MYOM2: variants seen among roughly 807,000 people sequenced by gnomAD.
MYOM2 encodes myomesin-2.
In MYOM2, 254 loss-of-function variants were observed where a neutral mutation model predicts 187.6. The observed-to-expected ratio is 1.35, with a 90% CI of 1.22 to 1.50. MYOM2 has a LOEUF of 1.50. Among genes scored for constraint, MYOM2 ranks in the 40% most tolerant of loss-of-function variants. The pLI is 0.00. For synonymous variants in MYOM2, 981 were observed against 753.8 expected, an observed-to-expected ratio of 1.30 and a Z score of -4.94; for missense variants, 2,796 against 1,924.0, an observed-to-expected ratio of 1.45 and a Z score of -8.48.
intron 32 of MYOM2, among the ~76,000 whole-genome samples, chr8:2,134,083 C>A (rs542212812): frequency 2.0e-5 from 3 of 150,516 alleles, no homozygotes; most frequent in Non-Finnish European, 2.9e-5. Context: ...CAAAACCAGG[C>A]GCTGAATGAT....
intron 21 of MYOM2, 106 bp from the exon 22 acceptor site, chr8:2,106,136 G>T: frequency 8.8e-7 from 1 of 1,136,412 alleles, no homozygotes; most frequent in African/African-American, 1.5e-5. Context: ...AATTTGAGAT[G>T]AGATTTGGGT....
intron 31 of MYOM2, among the ~76,000 whole-genome samples, chr8:2,128,263 C>T (rs908907447): frequency 6.6e-6 from 1 of 152,146 alleles, no homozygotes; most frequent in East Asian, 1.9e-4. Context: ...TATGTAAAAA[C>T]TAAAAGTAAT....
intron 21 of MYOM2, 83 bp downstream of exon 21, chr8:2,102,864 T>C (rs935013479): frequency 2.0e-5 from 22 of 1,103,296 alleles, no homozygotes; most frequent in Non-Finnish European, 2.8e-5. Flanking sequence ...GATGAGGGTG[T>C]GTGGATAAAT....
In MYOM2 at chr8:2,112,901, C is replaced by T. The variant is rs190385804; in HGVS notation, c.3181-3059C>T. On this transcript the variant is annotated intron_variant, in intron 25 of 36. Transcript: ENST00000262113. ...AGAGGAGTGTGGTTCCAAGGGCTGA[C>T]GGAGTCTTCTCCCGCTACGCCTGCC... 2.8e-4 allele frequency among the ~76,000 whole-genome samples: 43 copies of T among 152,342 alleles called. 1 individual carries two copies. The East Asian group carries it at 6.0e-3, about 21-fold the overall frequency.
At chr8:2,139,582 G>A (rs1318442490) in intron 32 of MYOM2, among the ~76,000 whole-genome samples, 6 of 152,156 alleles carry the variant, frequency 3.9e-5, no homozygotes, top group African/African-American at 1.2e-4. Flanking sequence ...CAAGGGTAAG[G>A]AAAGATGCCA....
intron 25 of MYOM2, among the ~76,000 whole-genome samples, chr8:2,113,488 G>C (rs1218192601): frequency 1.3e-5 from 2 of 152,324 alleles, no homozygotes; most frequent in East Asian, 3.9e-4. Flanking sequence ...TCTGTGCCCA[G>C]GGTGTGGCTG....
rs1205643591 is a variant in MYOM2 at position 2,057,664 on chromosome 8, G to A, written c.444G>A (p.Glu148=). 5.0e-6 allele frequency: 8 copies of A among 1,614,028 alleles called. No homozygotes were observed. The highest frequency in any genetic ancestry group is 1.3e-5 in the African/African-American group (1 of 74,910). The change falls in exon 5 of 37, where the codon GAG becomes GAA. Residue 148 remains glutamate, a synonymous_variant. Coordinates refer to ENST00000262113, the MANE Select transcript of MYOM2 (RefSeq NM_003970.4). ...KLAWERHTFE[E]RISRAPEILV... is the part of the protein sequence containing the mutation. ...CCTGGGAGAGACACACATTTGAAGA[G>A]CGGATAAGCAGGGCTCCTGAGATCC...
chr8:2,128,594 C>G (rs979810913), intron 31 of MYOM2, among the ~76,000 whole-genome samples: 8 of 152,212 alleles, frequency 5.3e-5, no homozygotes, highest in Non-Finnish European at 8.8e-5. Flanking sequence ...TCCAAGTACA[C>G]TGTGTGTGTT....
Position 2,096,334 on chromosome 8 carries a change from G to A in MYOM2, c.2213G>A (p.Gly738Asp). 3 of 1,614,214 alleles carry A rather than the reference G, an allele frequency of 1.9e-6. No individual in the cohort carries two copies. The highest frequency in any genetic ancestry group is 2.5e-6 in the Non-Finnish European group (3 of 1,180,030). Residue 738 changes from glycine (G) to aspartate (D), a missense_variant, in exon 18 of 37, where the codon GGT becomes GAT. Gly to Asp is a moderately conservative substitution (Grantham distance 94). Transcript: ENST00000262113. ...TLGWKVPKFS[G>D]GSPILGYYLD... ...GGCTGGAAGGTCCCGAAATTCAGTG[G>A]TGGCTCGCCCATCCTGGGCTACTAC...
rs76960308 is a variant in MYOM2 at position 2,140,730 on chromosome 8, A to G, written c.3808A>G (p.Lys1270Glu). The part of the protein sequence containing the change: ...MKVNWCHKDA[K>E]ISSSEHMRIG... ...CCTGTTGCTCTTTTCAAGAGATGCT[A>G]AGATCTCATCCAGTGAGCATATGAG... is the stretch of plus-strand genomic sequence containing the variant. The change falls in exon 33 of 37, where the codon AAG (lysine) becomes GAG (glutamate). Residue 1270 changes from lysine to glutamate, a missense_variant. Coordinates refer to ENST00000262113, the MANE Select transcript of MYOM2 (RefSeq NM_003970.4). 101 of 1,613,908 alleles carry G rather than the reference A, an allele frequency of 6.3e-5. No homozygotes were observed. The African/African-American group carries it at 1.2e-3, about 19-fold the overall frequency.
intron 13 of MYOM2, 108 bp downstream of exon 13, chr8:2,079,721 C>G (rs1819558002): frequency 1.6e-6 from 2 of 1,216,520 alleles, no homozygotes; most frequent in South Asian, 2.4e-5. Context: ...ACGGCCTCTG[C>G]ATGGAAAAAT....
intron 15 of MYOM2, among the ~76,000 whole-genome samples, chr8:2,091,558 C>G (rs1796302824): frequency 6.6e-6 from 1 of 152,192 alleles, no homozygotes; most frequent in Admixed American, 6.5e-5. Flanking sequence ...CCTGGGTGCC[C>G]TCCACCCTCT....
At chr8:2,112,577 G>A (rs1198663559) in intron 25 of MYOM2, among the ~76,000 whole-genome samples, 1 of 152,132 alleles carries the variant, frequency 6.6e-6, no homozygotes, top group African/African-American at 2.4e-5. Context: ...AGTGGGGTCA[G>A]AAGATACAGA....
At chr8:2,133,832 G>T (rs1350494211) in intron 32 of MYOM2, among the ~76,000 whole-genome samples, 2 of 152,076 alleles carry the variant, frequency 1.3e-5, no homozygotes, top group African/African-American at 4.8e-5. Context: ...TTATTTTATT[G>T]TATATAATAT....
chr8:2,110,893 A>T (rs1305023698), intron 25 of MYOM2, among the ~76,000 whole-genome samples: 1 of 152,204 alleles, frequency 6.6e-6, no homozygotes, highest in East Asian at 1.9e-4. Flanking sequence ...CTTTCCCATG[A>T]GAATCATGAC....
intron 16 of MYOM2, 81 bp downstream of exon 16, chr8:2,092,601 G>C: frequency 7.0e-7 from 1 of 1,435,998 alleles, no homozygotes; most frequent in Non-Finnish European, 9.5e-7. Context: ...CTGGCACAGG[G>C]AGTACCATGG....
At position 2,049,937 on chromosome 8, in the gene MYOM2, A is replaced by G. The variant is rs187627111; in HGVS notation, c.-12-818A>G. On this transcript the variant is annotated intron_variant, in intron 1 of 36. Coordinates refer to ENST00000262113, the MANE Select transcript of MYOM2 (RefSeq NM_003970.4). ...ACTCTCGAATTTCCCCACATCCCTG[A>G]GGCTTTCATGCCAGGCTCTGTCCTC... Among the ~76,000 whole-genome samples, 33 of 152,212 alleles carry G rather than the reference A, an allele frequency of 2.2e-4. No homozygotes were observed. The East Asian group carries it at 5.6e-3, about 26-fold the overall frequency.
intron 15 of MYOM2, among the ~76,000 whole-genome samples, chr8:2,090,489 G>A (rs1796261027): frequency 6.6e-6 from 1 of 152,064 alleles, no homozygotes. Context: ...TTTATTTTAG[G>A]TTCAGGGGTC....
chr8:2,056,371 G>A (rs1229178542), intron 3 of MYOM2, among the ~76,000 whole-genome samples: 2 of 152,170 alleles, frequency 1.3e-5, no homozygotes, highest in Non-Finnish European at 2.9e-5. Flanking sequence ...CCTTGGGAAC[G>A]CGATGGTGAG....
Sources: allele counts gnomAD v4.1 joint callset (sites outside exome capture counted in the v4.1 genomes callset), GRCh38; gene constraint gnomAD v4.1.1; transcripts MANE v1.5; gene names NCBI Gene and HGNC (gene_info 2026-07-23, HGNC 2026-07-21).